The following STK3 variants were observed in gnomAD, a reference collection of about 807,000 sequenced individuals.
STK3 encodes serine/threonine-protein kinase 3.
Under a neutral mutation model 58.0 loss-of-function variants are expected in STK3, and 41 were observed. That is an observed-to-expected ratio of 0.71 (90% CI 0.55 to 0.92). The LOEUF (loss-of-function observed/expected upper bound fraction) is 0.92. STK3 is among the 40% of genes least tolerant of loss of function. The pLI is 0.00. For synonymous variants in STK3, 170 were observed against 191.0 expected, an observed-to-expected ratio of 0.89 and a Z score of 0.91; for missense variants, 479 against 602.7, an observed-to-expected ratio of 0.79 and a Z score of 2.15.
rs200556218 is a variant in STK3, at chr8:98,903,556, C to CTTCTTCCT, written c.-78-19723_-78-19722insAGGAAGAA. ...TCTTCTTCTTCTTCTTCTTCTTCTT[C>CTTCTTCCT]CTTTTTTTTTTTTTAAGTGGGGCCT... On this transcript the variant is annotated intron_variant, in intron 1 of 1. Coordinates refer to the STK3 transcript ENST00000519420. Among the ~76,000 whole-genome samples, 54 of 50,514 alleles carry CTTCTTCCT rather than the reference C, an allele frequency of 1.1e-3. 1 individual carries two copies. The highest frequency in any genetic ancestry group is 0.01 in the Middle Eastern group (1 of 96). The allele number at this position is 50,514 out of a possible 152,430, so 33.1% of individuals were successfully genotyped here.
intron 3 of STK3, among the ~76,000 whole-genome samples, chr8:98,840,476 G>T (rs575520390): frequency 6.7e-6 from 1 of 148,876 alleles, no homozygotes; most frequent in South Asian, 2.2e-4. Flanking sequence ...GGAGACTAAG[G>T]CAGGAGGATC....
chr8:98,574,365 C>T (rs1336996327), intron 8 of STK3, among the ~76,000 whole-genome samples: 1 of 152,120 alleles, frequency 6.6e-6, no homozygotes, highest in African/African-American at 2.4e-5. Context: ...AGACAGCTTG[C>T]AAGCAAACCT....
rs541118957 is a variant in STK3, at chr8:98,771,840, G to A, written c.107+2899C>T. On this transcript the variant is annotated intron_variant, in intron 2 of 10. Coordinates refer to ENST00000419617, the MANE Select transcript of STK3 (RefSeq NM_006281.4). Reference sequence around the variant, plus strand: ...GACCTCAAGTGATCCACCCACCTCGGCCTCCCAAAATGCTGGGATTACAGC... The same window carrying A: ...GACCTCAAGTGATCCACCCACCTCGACCTCCCAAAATGCTGGGATTACAGC... Among the ~76,000 whole-genome samples, 16 of 152,140 alleles carry A rather than the reference G, an allele frequency of 1.1e-4. No individual in the cohort carries two copies. In the East Asian group the frequency reaches 3.1e-3, roughly 29 times the overall value.
chr8:98,519,219 T>G (rs1161385394), intron 10 of STK3, among the ~76,000 whole-genome samples: 1 of 152,142 alleles, frequency 6.6e-6, no homozygotes. Context: ...CCAATATCTC[T>G]TTTAAAACCA....
intron 6 of STK3, among the ~76,000 whole-genome samples, chr8:98,630,794 AGAAGAG>A (rs56845331): frequency 0.024 from 3,567 of 150,918 alleles, 131 homozygotes; most frequent in African/African-American, 0.081. Context: ...AGGAAGAGGA[AGAAGAG>A]GAAGAGGAAG....
chr8:98,888,005 C>A (rs1362395631), intron 1 of STK3, among the ~76,000 whole-genome samples: 1 of 152,082 alleles, frequency 6.6e-6, no homozygotes, highest in Non-Finnish European at 1.5e-5. Flanking sequence ...GAATATGGGG[C>A]TAGTGGTGGA....
At chr8:98,643,578 A>G (rs1784195480) in intron 6 of STK3, among the ~76,000 whole-genome samples, 1 of 152,262 alleles carries the variant, frequency 6.6e-6, no homozygotes, top group Non-Finnish European at 1.5e-5. Flanking sequence ...GATATATTTT[A>G]TGTATGTGTT....
intron 3 of STK3, among the ~76,000 whole-genome samples, chr8:98,872,400 G>A (rs944454924): frequency 1.2e-4 from 19 of 152,296 alleles, no homozygotes; most frequent in Admixed American, 1.1e-3. Flanking sequence ...ATTGATTGGA[G>A]TAGTTTCAGA....
In STK3 at chr8:98,395,888, A is replaced by G. The variant is rs115757293; in HGVS notation, n.428-7641T>C. Reference sequence around the variant, plus strand: ...ATGAAACAGATGATTCTAAGAGATGATTCTAGGGCATTTTCTCTTTCTTGA... The same window carrying G: ...ATGAAACAGATGATTCTAAGAGATGGTTCTAGGGCATTTTCTCTTTCTTGA... On this transcript the variant is annotated intron_variant and non_coding_transcript_variant, in intron 3 of 5. Coordinates refer to the STK3 transcript ENST00000649151. 7.1e-3 allele frequency among the ~76,000 whole-genome samples: 1,086 copies of G among 152,310 alleles called. 16 individuals carry two copies. The highest frequency in any genetic ancestry group is 0.025 in the African/African-American group (1,036 of 41,568).
chr8:98,791,177 G>A lies in STK3; in HGVS notation c.27-16358C>T, dbSNP rs147435731. On this transcript the variant is annotated intron_variant, in intron 1 of 10. Coordinates refer to ENST00000419617, the MANE Select transcript of STK3 (RefSeq NM_006281.4). ...AGTATCTCTTCTATACACCAACAGC[G>A]ACCAAGCTGAGAATCAAATCAAGAA... Among the ~76,000 whole-genome samples, 1,328 of 152,156 alleles carry A rather than the reference G, an allele frequency of 8.7e-3. 12 individuals are homozygous for A. Among genetic ancestry groups the A allele is most frequent in the African/African-American group, 0.03 (1,242 of 41,498 alleles).
intron 4 of STK3, among the ~76,000 whole-genome samples, chr8:98,728,832 A>G (rs975295167): frequency 6.6e-6 from 1 of 152,330 alleles, no homozygotes. Context: ...AAAGATGTCT[A>G]CTATTAACAA....
chr8:98,459,794 C>T (rs943242514), intron 10 of STK3, among the ~76,000 whole-genome samples: 3 of 152,222 alleles, frequency 2.0e-5, no homozygotes, highest in Non-Finnish European at 2.9e-5. Flanking sequence ...TGGTGTTGGG[C>T]CTGCGAGTGC....
At chr8:98,911,862 A>T (rs1426953459) in intron 1 of STK3, among the ~76,000 whole-genome samples, 2 of 152,168 alleles carry the variant, frequency 1.3e-5, no homozygotes, top group Non-Finnish European at 2.9e-5. Flanking sequence ...CTTATTCCTA[A>T]ATGATTCAAA....
At chr8:98,842,271 A>G (rs2131811756) in intron 3 of STK3, among the ~76,000 whole-genome samples, 2 of 152,360 alleles carry the variant, frequency 1.3e-5, no homozygotes, top group Middle Eastern at 6.8e-3. Flanking sequence ...TACAGAATTT[A>G]ACAAGTTAAT....
chr8:98,771,838 C>T (rs1239408997), intron 2 of STK3, among the ~76,000 whole-genome samples: 1 of 152,168 alleles, frequency 6.6e-6, no homozygotes, highest in Non-Finnish European at 1.5e-5. Context: ...CCACCCACCT[C>T]GGCCTCCCAA....
intron 6 of STK3, among the ~76,000 whole-genome samples, chr8:98,650,552 G>A (rs1719838019): frequency 1.3e-5 from 2 of 152,256 alleles, no homozygotes; most frequent in Non-Finnish European, 2.9e-5. Context: ...CCTCACTCGG[G>A]AAGCGCAAGG....
At chr8:98,884,601 A>G (rs986431368) in intron 1 of STK3, among the ~76,000 whole-genome samples, 11 of 152,132 alleles carry the variant, frequency 7.2e-5, no homozygotes, top group African/African-American at 2.7e-4. Context: ...CTTAAAATCA[A>G]TATGTTGAAA....
intron 4 of STK3, among the ~76,000 whole-genome samples, chr8:98,734,492 C>A (rs962195777): frequency 2.0e-5 from 3 of 152,114 alleles, no homozygotes; most frequent in African/African-American, 7.2e-5. Flanking sequence ...TAACCTTAGG[C>A]ATTTTCTTAG....
At chr8:98,894,192 CA>C (rs1838365295) in intron 1 of STK3, among the ~76,000 whole-genome samples, 1 of 152,194 alleles carries the variant, frequency 6.6e-6, no homozygotes, top group South Asian at 2.1e-4. Context: ...ACCAATTCTA[CA>C]TACTGATGAT....
Sources: allele counts gnomAD v4.1 joint callset (sites outside exome capture counted in the v4.1 genomes callset), GRCh38; gene constraint gnomAD v4.1.1; transcripts MANE v1.5; gene names NCBI Gene and HGNC (gene_info 2026-07-23, HGNC 2026-07-21).